PRAMEF15: variants seen among roughly 807,000 people sequenced by gnomAD.
PRAMEF15 encodes the protein PRAME family member 9/15.
A neutral mutation model predicts 35.3 loss-of-function variants in PRAMEF15; 21 were observed. That is an observed-to-expected ratio of 0.59 (90% CI 0.42 to 0.86). PRAMEF15 has a LOEUF of 0.86. Ranked by LOEUF, PRAMEF15 falls within the 40% of genes least tolerant of loss-of-function variation. The probability of loss-of-function intolerance (pLI) is 0.00; values close to 1 mark genes in which losing one functional copy is unlikely to be tolerated. For missense variants in PRAMEF15, 360 were observed against 574.1 expected (o/e 0.63, Z 3.81); for synonymous variants, 122 against 223.3 (o/e 0.55, Z 4.05).
rs1640092672 is a variant in PRAMEF15, at chr1:13,322,106, ACT to A, written c.1284_1285del (p.Cys429LeufsTer8). ...APRESYGADG[T>X]LCWSRFAQIR... ...CCGAGAGAGTTATGGTGCTGATGGT[ACT>A]CTCTGCTGGAGCAGATTTGCTCAAA... On this transcript the variant is annotated frameshift_variant, in exon 4 of 4. Transcript: ENST00000376152. LOFTEE classifies it high-confidence loss of function. 2 of 1,609,116 alleles carry A rather than the reference ACT, an allele frequency of 1.2e-6. No individual in the cohort carries two copies. The highest frequency in any genetic ancestry group is 1.3e-5 in the African/African-American group (1 of 74,298).
Position 13,321,851 on chromosome 1 carries a change from C to T in PRAMEF15, c.1024C>T (p.Pro342Ser). The change falls in exon 4 of 4, where the codon CCT (proline) becomes TCT (serine). Residue 342 changes from proline (P) to serine (S), a missense_variant. Transcript: ENST00000376152. ...GIRLTNYSLV[P>S]LQILLEKVAA... ...CAGACTGACCAATTATAGTCTTGTG[C>T]CTCTCCAAATTCTCCTAGAAAAAGT... 6.2e-6 allele frequency: 10 copies of T among 1,608,122 alleles called. No individual in the cohort carries two copies. Among genetic ancestry groups the T allele is most frequent in the Non-Finnish European group, 8.5e-6 (10 of 1,177,466 alleles).
intron 3 of PRAMEF15, among the ~76,000 whole-genome samples, chr1:13,320,580 C>A (rs1239566642): frequency 6.6e-6 from 1 of 152,022 alleles, no homozygotes; most frequent in Non-Finnish European, 1.5e-5. Flanking sequence ...TGAGCCACCA[C>A]ACCTGGCTAA....
chr1:13,315,815 T>G (rs1553167419), intron 1 of PRAMEF15, among the ~76,000 whole-genome samples, 157 bp downstream of exon 1: 2 of 151,498 alleles, frequency 1.3e-5, no homozygotes, highest in Non-Finnish European at 3.0e-5. Context: ...TTCCTCTAAA[T>G]GCAGTTCTGT....
chr1:13,321,568 G>A (rs1640083820), intron 3 of PRAMEF15, 135 bp from the exon 4 acceptor site: 7 of 1,431,578 alleles, frequency 4.9e-6, no homozygotes, highest in Non-Finnish European at 5.7e-6. Flanking sequence ...CATCCTAAGT[G>A]TTGACCATCA....
chr1:13,321,666 G>A (rs1345294491), intron 3 of PRAMEF15, 37 bp from the exon 4 acceptor site: 3 of 1,606,364 alleles, frequency 1.9e-6, no homozygotes, highest in East Asian at 4.6e-5. Flanking sequence ...TCACCCCTAT[G>A]ATTCCCCAGA....
chr1:13,320,578 C>T (rs1352122098), intron 3 of PRAMEF15, among the ~76,000 whole-genome samples: 1 of 151,998 alleles, frequency 6.6e-6, no homozygotes, highest in African/African-American at 2.4e-5. Flanking sequence ...CGTGAGCCAC[C>T]ACACCTGGCT....
At chr1:13,316,891 G>A (rs2100314333) in intron 1 of PRAMEF15, among the ~76,000 whole-genome samples, 1 of 150,806 alleles carries the variant, frequency 6.6e-6, no homozygotes, top group Non-Finnish European at 1.5e-5. Flanking sequence ...GGACTTTGAA[G>A]GACACATATT....
chr1:13,320,537 T>C (rs1273442272), intron 3 of PRAMEF15, among the ~76,000 whole-genome samples: 6,569 of 150,594 alleles, frequency 0.044, no homozygotes, highest in East Asian at 0.2. Flanking sequence ...GATTCTCCTG[T>C]CTCAGCCTCC....
chr1:13,318,936 G>A (rs1325723360), intron 2 of PRAMEF15, among the ~76,000 whole-genome samples: 16 of 151,988 alleles, frequency 1.1e-4, no homozygotes, highest in Middle Eastern at 3.4e-3. Context: ...GAACTGGGCC[G>A]GGCACGGTGG....
At chr1:13,316,129 C>T (rs1639999470) in intron 1 of PRAMEF15, among the ~76,000 whole-genome samples, 1 of 151,548 alleles carries the variant, frequency 6.6e-6, no homozygotes, top group South Asian at 2.1e-4. Flanking sequence ...TCTCCATCCT[C>T]AGAAGCTGGT....
In PRAMEF15 at chr1:13,319,388, G is replaced by A; in HGVS notation, c.310G>A (p.Val104Met). Residue 104 changes from valine (V) to methionine (M), a missense_variant, in exon 3 of 4, where the codon GTG becomes ATG. Physicochemically the swap from Val to Met is conservative, Grantham distance 21. This residue lies in a region of PRAMEF15 where 44 missense variants were observed against 25.9 expected (regional missense o/e 1.70). Transcript: ENST00000376152. ...TTGCCACAGGAGGTGGAAACTCCAA[G>A]TGCTGGATTTACAGGATGTCTGTGA... ...GVRPRRWKLQVLDLQDVCENF... is the reference protein window; with the variant it reads ...GVRPRRWKLQMLDLQDVCENF... 3 of 1,611,406 alleles carry A rather than the reference G, an allele frequency of 1.9e-6. No homozygotes were observed. In the South Asian group the frequency reaches 3.3e-5, roughly 18 times the overall value.
chr1:13,322,151 A>G lies in PRAMEF15; in HGVS notation c.1324A>G (p.Asn442Asp). 2 of 1,609,040 alleles carry G rather than the reference A, an allele frequency of 1.2e-6. No individual in the cohort carries two copies. Among genetic ancestry groups the G allele is most frequent in the Non-Finnish European group, 1.7e-6 (2 of 1,179,200 alleles). Residue 442 changes from asparagine to aspartate, a missense_variant, in exon 4 of 4, where the codon AAC (asparagine) becomes GAC (aspartate). By Grantham distance (23) the Asn-to-Asp change is conservative. Coordinates refer to ENST00000376152, the MANE Select transcript of PRAMEF15 (RefSeq NM_001098376.3). ...TGCTCAAATTAGGGCTGAGCTGATGAACAGAGTGAGGGACTTAAGGCACCC... is the reference window on the plus strand; with the variant it reads ...TGCTCAAATTAGGGCTGAGCTGATGGACAGAGTGAGGGACTTAAGGCACCC... ...RFAQIRAELM[N>D]RVRDLRHPKR...
At position 13,316,581 on chromosome 1, in the gene PRAMEF15, G is replaced by T. The variant is rs1334863082; in HGVS notation, c.-17+923G>T. 3.7e-4 allele frequency among the ~76,000 whole-genome samples: 56 copies of T among 152,060 alleles called. 1 individual carries two copies. The highest frequency in any genetic ancestry group is 1.4e-3 in the African/African-American group (56 of 41,434). On this transcript the variant is annotated intron_variant, in intron 1 of 3. Transcript: ENST00000376152. ...GAAGCATGAGAATTGCTTGAATCTTGGAGGCCGAGGTAACAGTGAGCCAAG... is the reference window on the plus strand; with the variant it reads ...GAAGCATGAGAATTGCTTGAATCTTTGAGGCCGAGGTAACAGTGAGCCAAG...
rs1308007999 is a variant in PRAMEF15 at position 13,316,554 on chromosome 1, C to T, written c.-17+896C>T. Among the ~76,000 whole-genome samples the T allele has an allele frequency of 2.1e-4, 32 of 152,064 alleles. 1 individual carries two copies. The highest frequency in any genetic ancestry group is 4.1e-4 in the Non-Finnish European group (28 of 68,014). Reference sequence around the variant, plus strand: ...CCTGTAGTCCCAGCTATGTGGAAGGCTGAAGCATGAGAATTGCTTGAATCT... The same window carrying T: ...CCTGTAGTCCCAGCTATGTGGAAGGTTGAAGCATGAGAATTGCTTGAATCT... On this transcript the variant is annotated intron_variant, in intron 1 of 3. Transcript: ENST00000376152.
At chr1:13,321,009 A>G (rs1640076657) in intron 3 of PRAMEF15, among the ~76,000 whole-genome samples, 1 of 152,010 alleles carries the variant, frequency 6.6e-6, no homozygotes, top group East Asian at 1.9e-4. Flanking sequence ...CATGTCAGGG[A>G]TGCCTACAGC....
In PRAMEF15 at chr1:13,318,462, C is replaced by G. The variant is rs1287958661; in HGVS notation, c.55C>G (p.Leu19Val). 9.9e-6 allele frequency: 16 copies of G among 1,614,076 alleles called. No individual in the cohort carries two copies. Among genetic ancestry groups the G allele is most frequent in the Non-Finnish European group, 1.4e-5 (16 of 1,180,042 alleles). Reference sequence around the variant, plus strand: ...ACTCCTGGAGCTTGCAGGGCGGAGCCTGCTGAGGGACCAAGCTTTGGCCAT... The same window carrying G: ...ACTCCTGGAGCTTGCAGGGCGGAGCGTGCTGAGGGACCAAGCTTTGGCCAT... ...PRLLELAGRS[L>V]LRDQALAMST... The change falls in exon 2 of 4, where the codon CTG becomes GTG. Residue 19 changes from leucine (L) to valine (V), a missense_variant. Physicochemically the swap from Leu to Val is conservative, Grantham distance 32. This residue lies in a region of PRAMEF15 where 31 missense variants were observed against 46.4 expected (regional missense o/e 0.67). Transcript: ENST00000376152.
At position 13,322,553 on chromosome 1, in the gene PRAMEF15, G is replaced by C. The variant is rs1433067775; in HGVS notation, c.*289G>C. 6 of 491,004 alleles carry C rather than the reference G, an allele frequency of 1.2e-5. No homozygotes were observed. Among genetic ancestry groups the C allele is most frequent in the African/African-American group, 7.8e-5 (4 of 51,542 alleles). The allele number at this position is 491,004 out of a possible 1,614,324, so 30.4% of individuals were successfully genotyped here. A position where few individuals can be genotyped will look rare whatever the true frequency, so the allele number is the denominator to read the frequency against. On this transcript the variant is annotated 3_prime_UTR_variant, in exon 4 of 4. Coordinates refer to ENST00000376152, the MANE Select transcript of PRAMEF15 (RefSeq NM_001098376.3). ...TACATGAGGGAGTTACTCTTGCATG[G>C]ATGGTTGTAAAGAAACAATCAGAAA...
At chr1:13,321,576 T>G in intron 3 of PRAMEF15, 127 bp from the exon 4 acceptor site, 1 of 1,408,764 alleles carries the variant, frequency 7.1e-7, no homozygotes, top group East Asian at 2.3e-5. Context: ...GTGTTGACCA[T>G]CAGGCCATCA....
chr1:13,318,973 G>A (rs938213211), intron 2 of PRAMEF15, among the ~76,000 whole-genome samples: 4 of 151,952 alleles, frequency 2.6e-5, no homozygotes, highest in Non-Finnish European at 5.9e-5. Context: ...AGCACATTGG[G>A]AGGCTGAGGT....
Sources: allele counts gnomAD v4.1 joint callset (sites outside exome capture counted in the v4.1 genomes callset), GRCh38; gene constraint gnomAD v4.1.1; regional missense constraint gnomAD v4.1.1; transcripts MANE v1.5; gene names NCBI Gene and HGNC (gene_info 2026-07-23, HGNC 2026-07-21).